AHCYL2: variants seen among roughly 807,000 people sequenced by gnomAD.
AHCYL2 encodes adenosylhomocysteinase like 2.
In AHCYL2, 28 loss-of-function variants were observed where a neutral mutation model predicts 81.4. The ratio of observed to expected loss-of-function variants is 0.34; its 90% CI spans 0.25 to 0.47. The LOEUF (loss-of-function observed/expected upper bound fraction) is 0.47. Ranked by LOEUF, AHCYL2 falls within the 20% of genes least tolerant of loss-of-function variation. The pLI, the probability that AHCYL2 is intolerant of heterozygous loss-of-function variation, is 1.00. For synonymous variants in AHCYL2, 272 were observed against 290.2 expected, an observed-to-expected ratio of 0.94 and a Z score of 0.64; for missense variants, 551 against 785.1, an observed-to-expected ratio of 0.70 and a Z score of 3.56.
chr7:129,272,529 A>T (rs1483792537), intron 1 of AHCYL2, among the ~76,000 whole-genome samples: 1 of 152,184 alleles, frequency 6.6e-6, no homozygotes, highest in Non-Finnish European at 1.5e-5. Flanking sequence ...AGGGTTAAAG[A>T]TGGAGGGACC....
intron 5 of AHCYL2, 75 bp from the exon 6 acceptor site, chr7:129,400,215 G>A: frequency 7.5e-7 from 1 of 1,332,662 alleles, no homozygotes. Context: ...GGAAAAACCA[G>A]AATCTTCTCA....
chr7:129,374,535 C>T lies in AHCYL2; in HGVS notation c.364-5103C>T, dbSNP rs140569981. Among the ~76,000 whole-genome samples, 997 of 151,276 alleles carry T rather than the reference C, an allele frequency of 6.6e-3. 9 individuals carry two copies. The highest frequency in any genetic ancestry group is 0.023 in the African/African-American group (956 of 41,240). ...AAAAAAAAAATCTGCCGGCTGGGTA[C>T]AGTGGCTCATGCCTGTAATCCTAGC... On this transcript the variant is annotated intron_variant, in intron 1 of 16. Transcript: ENST00000325006.
chr7:129,241,251 CTT>C (rs1794842139), intron 1 of AHCYL2, among the ~76,000 whole-genome samples: 1 of 152,160 alleles, frequency 6.6e-6, no homozygotes, highest in Non-Finnish European at 1.5e-5. Flanking sequence ...ACTATTTTCT[CTT>C]GTTGCCTGGC....
chr7:129,247,103 G>A (rs1795089186), intron 1 of AHCYL2, among the ~76,000 whole-genome samples: 1 of 152,180 alleles, frequency 6.6e-6, no homozygotes, highest in South Asian at 2.1e-4. Context: ...TGGCTGGGTT[G>A]TGTGTTACAT....
intron 1 of AHCYL2, among the ~76,000 whole-genome samples, chr7:129,350,373 A>G (rs950745461): frequency 7.2e-5 from 11 of 152,066 alleles, no homozygotes; most frequent in African/African-American, 2.7e-4. Context: ...AAAGCATTCA[A>G]TAAATGTAGT....
At chr7:129,343,541 A>G (rs1793260645) in intron 1 of AHCYL2, among the ~76,000 whole-genome samples, 1 of 152,160 alleles carries the variant, frequency 6.6e-6, no homozygotes, top group African/African-American at 2.4e-5. Context: ...CTCTACCTAT[A>G]GAATGAACTG....
intron 12 of AHCYL2, among the ~76,000 whole-genome samples, chr7:129,421,669 T>C (rs1481178839): frequency 2.0e-5 from 3 of 152,274 alleles, no homozygotes; most frequent in African/African-American, 4.8e-5. Flanking sequence ...ACCATTAATA[T>C]AGTTCTGAAT....
rs201621751 is a variant in AHCYL2, at chr7:129,336,031, TTTCTTTTCTCTTCTC to T, written c.364-43589_364-43575del. Among the ~76,000 whole-genome samples the T allele has an allele frequency of 7.7e-3, 1,149 of 149,640 alleles. 12 individuals carry two copies. The highest frequency in any genetic ancestry group is 0.038 in the Middle Eastern group (11 of 288). On this transcript the variant is annotated intron_variant, in intron 1 of 16. Transcript: ENST00000325006. ...ACATAAGTACTGAAGTTTCTTTTCT[TTTCTTTTCTCTTCTC>T]TTCTTTTCTCTTCTCTTTTCTTTCC...
intron 2 of AHCYL2, among the ~76,000 whole-genome samples, chr7:129,380,398 G>T (rs1794902427): frequency 6.6e-6 from 1 of 152,174 alleles, no homozygotes; most frequent in South Asian, 2.1e-4. Flanking sequence ...ATTTAATATG[G>T]AGTTAGTTTA....
intron 1 of AHCYL2, among the ~76,000 whole-genome samples, chr7:129,329,683 A>G (rs1355730640): frequency 1.3e-5 from 2 of 152,236 alleles, no homozygotes; most frequent in African/African-American, 2.4e-5. Context: ...CAAGTTGCCT[A>G]ATTTCTTTGT....
intron 1 of AHCYL2, among the ~76,000 whole-genome samples, chr7:129,284,168 A>T (rs1284015209): frequency 6.6e-6 from 1 of 152,172 alleles, no homozygotes; most frequent in African/African-American, 2.4e-5. Flanking sequence ...TAAACGAAAG[A>T]AAGTTATGTG....
At chr7:129,421,226 TG>T (rs758449934) in intron 12 of AHCYL2, among the ~76,000 whole-genome samples, 1 of 147,534 alleles carries the variant, frequency 6.8e-6, no homozygotes, top group African/African-American at 2.5e-5. Context: ...CACTGCAGCC[TG>T]GGTGACAGAG....
chr7:129,400,565 G>A (rs891501471), intron 6 of AHCYL2, among the ~76,000 whole-genome samples, 181 bp downstream of exon 6: 3 of 152,172 alleles, frequency 2.0e-5, no homozygotes, highest in Admixed American at 1.3e-4. Context: ...GAGTATTGAA[G>A]CTCTTATAAC....
At chr7:129,313,349 G>A (rs1266325752) in intron 1 of AHCYL2, among the ~76,000 whole-genome samples, 1 of 152,204 alleles carries the variant, frequency 6.6e-6, no homozygotes, top group African/African-American at 2.4e-5. Flanking sequence ...AGTTTGAAAT[G>A]TTAGAAGCAT....
chr7:129,326,567 T>A (rs772233230), intron 1 of AHCYL2, among the ~76,000 whole-genome samples: 5 of 151,970 alleles, frequency 3.3e-5, no homozygotes, highest in African/African-American at 4.8e-5. Context: ...CTATGAAAAC[T>A]GCTAGTTTTA....
rs73722964 is a variant in AHCYL2, at chr7:129,354,857, A to G, written c.364-24781A>G. Reference sequence around the variant, plus strand: ...TCCCGTAGGAAATAATTGGCTCATGACCTTTAAAATTAGAGGAAATTTGCC... The same window carrying G: ...TCCCGTAGGAAATAATTGGCTCATGGCCTTTAAAATTAGAGGAAATTTGCC... On this transcript the variant is annotated intron_variant, in intron 1 of 16. Coordinates refer to ENST00000325006, the MANE Select transcript of AHCYL2 (RefSeq NM_015328.4). Among the ~76,000 whole-genome samples the G allele has an allele frequency of 1.8e-3, 271 of 152,298 alleles. 1 individual carries two copies. Among genetic ancestry groups the G allele is most frequent in the African/African-American group, 6.2e-3 (259 of 41,570 alleles).
chr7:129,327,368 C>T (rs1027684448), intron 1 of AHCYL2, among the ~76,000 whole-genome samples: 1 of 152,202 alleles, frequency 6.6e-6, no homozygotes, highest in South Asian at 2.1e-4. Flanking sequence ...TTCCCAGCCT[C>T]TAGAACTGTG....
At chr7:129,425,621 A>G (rs1797328113) in intron 15 of AHCYL2, among the ~76,000 whole-genome samples, 1 of 152,202 alleles carries the variant, frequency 6.6e-6, no homozygotes, top group South Asian at 2.1e-4. Flanking sequence ...CTATTTAGTT[A>G]TGTGGGTGTT....
chr7:129,253,732 C>T (rs909227504), intron 1 of AHCYL2, among the ~76,000 whole-genome samples: 4 of 152,174 alleles, frequency 2.6e-5, no homozygotes, highest in African/African-American at 9.7e-5. Flanking sequence ...CTGCCTCAGC[C>T]TTCCAAAGTG....
Sources: allele counts gnomAD v4.1 joint callset (sites outside exome capture counted in the v4.1 genomes callset), GRCh38; gene constraint gnomAD v4.1.1; transcripts MANE v1.5; gene names NCBI Gene and HGNC (gene_info 2026-07-23, HGNC 2026-07-21).